OSBPL10: variants seen among roughly 807,000 people sequenced by gnomAD.
OSBPL10 encodes oxysterol-binding protein-related protein 10.
Under a neutral mutation model 81.7 loss-of-function variants are expected in OSBPL10, and 49 were observed. The observed-to-expected ratio is 0.60, with a 90% confidence interval of 0.48 to 0.76. The LOEUF is 0.76. Ranked by LOEUF, OSBPL10 falls within the 30% of genes least tolerant of loss-of-function variation. The probability of loss-of-function intolerance (pLI) is 0.00; values close to 1 mark genes in which losing one functional copy is unlikely to be tolerated. For synonymous variants in OSBPL10, 419 were observed against 383.6 expected (o/e 1.09, Z -1.08); for missense variants, 923 against 987.8 (o/e 0.93, Z 0.88).
chr3:31,775,354 G>A (rs1698521270), intron 4 of OSBPL10, among the ~76,000 whole-genome samples: 1 of 152,112 alleles, frequency 6.6e-6, no homozygotes, highest in Non-Finnish European at 1.5e-5. Flanking sequence ...AACATGCAGA[G>A]AAGGGTTTCC....
chr3:31,806,988 C>T (rs1451185822), intron 4 of OSBPL10, among the ~76,000 whole-genome samples: 6 of 152,142 alleles, frequency 3.9e-5, no homozygotes, highest in Non-Finnish European at 7.4e-5. Context: ...TGGTCATGGA[C>T]AGCCCAGGCC....
At chr3:31,758,411 C>T (rs1697946379) in intron 4 of OSBPL10, among the ~76,000 whole-genome samples, 1 of 152,216 alleles carries the variant, frequency 6.6e-6, no homozygotes, top group Non-Finnish European at 1.5e-5. Flanking sequence ...ACAGAGTTCA[C>T]AGCCATGACA....
rs544644256 is a variant in OSBPL10 at position 31,939,740 on chromosome 3, C to T, written c.281+41159G>A. Among the ~76,000 whole-genome samples, 271 of 152,320 alleles carry T rather than the reference C, an allele frequency of 1.8e-3. 1 individual carries two copies. The highest frequency in any genetic ancestry group is 6.3e-3 in the African/African-American group (261 of 41,588). On this transcript the variant is annotated intron_variant, in intron 1 of 11. Coordinates refer to ENST00000396556, the MANE Select transcript of OSBPL10 (RefSeq NM_017784.5). ...CATGCACACACTCCTGGGTTTCTTT[C>T]TATCTTGCTAGCCAATCTTTTCCCT...
At position 32,003,590 on chromosome 3, in the gene OSBPL10, G is replaced by T. The variant is rs183575034; in HGVS notation, n.298+42901C>A. On this transcript the variant is annotated intron_variant and non_coding_transcript_variant, in intron 2 of 3. Coordinates refer to the OSBPL10 transcript ENST00000479173. ...TGAGAACTGAATATACCAGTGGGTG[G>T]TATCATTCAAGGTCCTGGGAGGGAA... 9.8e-5 allele frequency among the ~76,000 whole-genome samples: 15 copies of T among 152,338 alleles called. No homozygotes were observed. The East Asian group carries it at 2.5e-3, about 25-fold the overall frequency.
chr3:31,823,294 A>G (rs975465273), intron 4 of OSBPL10, among the ~76,000 whole-genome samples: 9 of 152,208 alleles, frequency 5.9e-5, no homozygotes, highest in African/African-American at 2.2e-4. Flanking sequence ...CCTTAATTCA[A>G]TTTGTTCATC....
chr3:31,911,490 T>C (rs2125693020), intron 1 of OSBPL10, among the ~76,000 whole-genome samples: 1 of 152,146 alleles, frequency 6.6e-6, no homozygotes, highest in South Asian at 2.1e-4. Context: ...GGGTAATACC[T>C]TCAACATTCC....
intron 4 of OSBPL10, among the ~76,000 whole-genome samples, chr3:31,756,580 AC>A (rs1697896045): frequency 6.6e-6 from 1 of 152,220 alleles, no homozygotes; most frequent in Non-Finnish European, 1.5e-5. Context: ...TATCTTAAAA[AC>A]ATCACCCCTT....
At chr3:31,671,129 G>A (rs950940500) in intron 8 of OSBPL10, 146 bp from the exon 9 acceptor site, 1 of 772,492 alleles carries the variant, frequency 1.3e-6, no homozygotes, top group Admixed American at 2.9e-5. Flanking sequence ...CTCGTTCACT[G>A]TGGGCTCTAC....
chr3:32,045,872 C>G (rs1333276232), intron 2 of OSBPL10: 1 of 152,250 alleles, frequency 6.6e-6, no homozygotes, highest in Non-Finnish European at 1.5e-5. Context: ...AACAGAATCT[C>G]TGCCTGTTTG....
At chr3:31,798,552 TTAAA>T (rs1423401445) in intron 4 of OSBPL10, among the ~76,000 whole-genome samples, 1 of 152,110 alleles carries the variant, frequency 6.6e-6, no homozygotes, top group East Asian at 1.9e-4. Flanking sequence ...TGGATATGAG[TTAAA>T]TAAAATATAT....
chr3:31,735,743 A>C (rs1258876780), intron 5 of OSBPL10, among the ~76,000 whole-genome samples: 1 of 152,002 alleles, frequency 6.6e-6, no homozygotes, highest in African/African-American at 2.4e-5. Flanking sequence ...ACTTGCTCAG[A>C]GAGACCTTCT....
At chr3:31,700,491 A>G (rs974631240) in intron 7 of OSBPL10, 1 of 152,210 alleles carries the variant, frequency 6.6e-6, no homozygotes, top group Admixed American at 6.5e-5. Context: ...CATTAAAAAA[A>G]AATCCACAAT....
rs377595094 is a variant in OSBPL10 at position 31,938,572 on chromosome 3, G to A, written c.281+42327C>T. On this transcript the variant is annotated intron_variant, in intron 1 of 11. Coordinates refer to ENST00000396556, the MANE Select transcript of OSBPL10 (RefSeq NM_017784.5). ...CGCCCAGGCTGGAGTGCAGTGGTGC[G>A]ATCATGGCTCACTGCAGCCTTGACC... 3.2e-4 allele frequency among the ~76,000 whole-genome samples: 49 copies of A among 151,846 alleles called. No homozygotes were observed. The South Asian group carries it at 7.9e-3, about 25-fold the overall frequency.
intron 8 of OSBPL10, among the ~76,000 whole-genome samples, chr3:31,682,976 ATCAC>A (rs1700690977): frequency 6.6e-6 from 1 of 152,240 alleles, no homozygotes; most frequent in South Asian, 2.1e-4. Flanking sequence ...TAGGAAGAGA[ATCAC>A]AGCCTTAGAG....
intron 2 of OSBPL10, among the ~76,000 whole-genome samples, chr3:31,986,600 TTA>T (rs1428927816): frequency 2.6e-5 from 4 of 152,040 alleles, no homozygotes; most frequent in African/African-American, 7.3e-5. Flanking sequence ...AAAAAAAAGT[TTA>T]TATTTTTTTA....
intron 3 of OSBPL10, among the ~76,000 whole-genome samples, chr3:31,833,753 A>T (rs1390547037): frequency 1.4e-5 from 2 of 146,774 alleles, no homozygotes; most frequent in Non-Finnish European, 3.0e-5. Flanking sequence ...TCTCTCTTCT[A>T]ATTCTGAGTA....
At chr3:31,772,021 C>T (rs1007617471) in intron 4 of OSBPL10, among the ~76,000 whole-genome samples, 2 of 152,190 alleles carry the variant, frequency 1.3e-5, no homozygotes, top group Non-Finnish European at 2.9e-5. Context: ...CTTGCAGAAT[C>T]ATTTGCCTAG....
intron 1 of OSBPL10, among the ~76,000 whole-genome samples, chr3:31,887,596 T>C (rs9858630): frequency 0.051 from 7,783 of 152,188 alleles, 648 homozygotes; most frequent in African/African-American, 0.18. Context: ...GAAAAGAAAC[T>C]TTCTTCCTTC....
intron 2 of OSBPL10, among the ~76,000 whole-genome samples, chr3:32,017,854 G>T (rs576194469): frequency 1.3e-5 from 2 of 152,244 alleles, no homozygotes; most frequent in South Asian, 4.2e-4. Context: ...TAAACTTAAA[G>T]AAATAAAATG....
Sources: gnomAD v4.1 joint callset for allele counts (sites outside exome capture counted in the v4.1 genomes callset) on GRCh38, gnomAD v4.1.1 for gene constraint, MANE v1.5 for transcripts, NCBI Gene and HGNC (gene_info 2026-07-23, HGNC 2026-07-21) for gene names.